The following AP2B1 variants were observed in gnomAD, a reference collection of about 807,000 sequenced individuals.
AP2B1 encodes the protein AP-2 complex subunit beta.
Under a neutral mutation model 102.0 loss-of-function variants are expected in AP2B1, and 23 were observed. The ratio of observed to expected loss-of-function variants is 0.23; its 90% CI spans 0.16 to 0.32. The LOEUF is 0.32. Ranked by LOEUF, AP2B1 falls within the 10% of genes least tolerant of loss-of-function variation. The pLI is 1.00. For missense variants in AP2B1, 541 were observed against 1,157.4 expected, an observed-to-expected ratio of 0.47 and a Z score of 7.73; for synonymous variants, 381 against 421.2, an observed-to-expected ratio of 0.90 and a Z score of 1.17.
chr17:35,699,402 C>A (rs1433580837), intron 18 of AP2B1, among the ~76,000 whole-genome samples: 3 of 152,154 alleles, frequency 2.0e-5, no homozygotes, highest in Admixed American at 6.5e-5. Context: ...CGAACAATGT[C>A]CTAATGTCTC....
chr17:35,614,944 A>G (rs225250), intron 5 of AP2B1, among the ~76,000 whole-genome samples: 130,108 of 152,176 alleles, frequency 0.85, 55,842 homozygotes, highest in East Asian at 0.97. Flanking sequence ...TACTCTCCAG[A>G]GGACATTTGG....
At chr17:35,613,873 G>A (rs2073937383) in intron 5 of AP2B1, among the ~76,000 whole-genome samples, 1 of 152,156 alleles carries the variant, frequency 6.6e-6, no homozygotes, top group African/African-American at 2.4e-5. Flanking sequence ...TTATTTTGAA[G>A]GTAAACCTCC....
At chr17:35,720,194 G>A (rs138937596) in intron 21 of AP2B1, among the ~76,000 whole-genome samples, 11 of 152,168 alleles carry the variant, frequency 7.2e-5, no homozygotes, top group African/African-American at 2.2e-4. Context: ...GAGTAATGCC[G>A]ACCCTAAGGG....
rs375100015 is a variant in AP2B1 at position 35,650,800 on chromosome 17, G to A, written c.1796+11G>A. On this transcript the variant is annotated intron_variant, in intron 13 of 21. Coordinates refer to ENST00000610402, the MANE Select transcript of AP2B1 (RefSeq NM_001030006.2). ...AATTCATCATGGGAGGTAAGAAGGT[G>A]TGAACTGTCTCTGAGTGAGAAATGA... The A allele has an allele frequency of 1.2e-5, 19 of 1,612,894 alleles. No homozygotes were observed. In the African/African-American group the frequency reaches 2.1e-4, roughly 18 times the overall value.
chr17:35,642,083 G>A, intron 12 of AP2B1, 108 bp downstream of exon 12: 6 of 747,670 alleles, frequency 8.0e-6, no homozygotes, highest in Non-Finnish European at 1.4e-5. Context: ...TTTGAAGGAA[G>A]TATGGCCTTT....
At chr17:35,656,289 T>C (rs1182310318) in intron 13 of AP2B1, among the ~76,000 whole-genome samples, 1 of 86,202 alleles carries the variant, frequency 1.2e-5, no homozygotes, top group Non-Finnish European at 2.7e-5. Flanking sequence ...GGTTCATTTT[T>C]CCCCCACATA....
At chr17:35,599,733 G>T (rs564647906) in intron 3 of AP2B1, among the ~76,000 whole-genome samples, 1 of 151,984 alleles carries the variant, frequency 6.6e-6, no homozygotes, top group South Asian at 2.1e-4. Context: ...GTGAAATTCT[G>T]TCTCTACTAA....
intron 21 of AP2B1, among the ~76,000 whole-genome samples, chr17:35,722,716 C>G (rs1254027812): frequency 6.6e-6 from 1 of 152,046 alleles, no homozygotes; most frequent in Non-Finnish European, 1.5e-5. Flanking sequence ...TTGACCTGCC[C>G]TAATTAACAA....
chr17:35,699,782 C>T (rs1428502458), intron 18 of AP2B1, among the ~76,000 whole-genome samples: 1 of 152,094 alleles, frequency 6.6e-6, no homozygotes, highest in African/African-American at 2.4e-5. Flanking sequence ...AACTTTGGGT[C>T]ACCAAGCACA....
chr17:35,654,895 G>A (rs1005667809), intron 13 of AP2B1, among the ~76,000 whole-genome samples: 4 of 151,994 alleles, frequency 2.6e-5, no homozygotes, highest in Non-Finnish European at 4.4e-5. Context: ...AGGATACCAC[G>A]GCCGTTGAAC....
chr17:35,650,548 C>T lies in AP2B1; in HGVS notation c.1555C>T (p.Leu519Phe). 2 of 1,614,072 alleles carry T rather than the reference C, an allele frequency of 1.2e-6. No homozygotes were observed. Among genetic ancestry groups the T allele is most frequent in the African/African-American group, 1.3e-5 (1 of 75,028 alleles). ...TCTTTAGGATTCTGATAATCCTGAC[C>T]TTCGAGACCGGGGCTATATTTATTG... is the stretch of plus-strand genomic sequence containing the variant. ...LATQDSDNPDLRDRGYIYWRL... is the reference protein window; with the variant it reads ...LATQDSDNPDFRDRGYIYWRL... Residue 519 changes from leucine (L) to phenylalanine (F), a missense_variant, in exon 13 of 22, where the codon CTT becomes TTT. By Grantham distance (22) the Leu-to-Phe change is conservative. Coordinates refer to ENST00000610402, the MANE Select transcript of AP2B1 (RefSeq NM_001030006.2).
At chr17:35,691,201 T>C (rs2076034202) in intron 18 of AP2B1, among the ~76,000 whole-genome samples, 2 of 152,216 alleles carry the variant, frequency 1.3e-5, no homozygotes, top group South Asian at 4.1e-4. Context: ...GGACACGATC[T>C]TACAGTCCTG....
intron 18 of AP2B1, among the ~76,000 whole-genome samples, chr17:35,695,573 C>G (rs2076125631): frequency 6.6e-6 from 1 of 152,040 alleles, no homozygotes; most frequent in Non-Finnish European, 1.5e-5. Flanking sequence ...AGATATCTAA[C>G]TTATAGCAAA....
At chr17:35,621,084 C>G (rs1281011292) in intron 5 of AP2B1, among the ~76,000 whole-genome samples, 4 of 152,086 alleles carry the variant, frequency 2.6e-5, no homozygotes, top group Admixed American at 2.6e-4. Flanking sequence ...CTAGAGAAGA[C>G]TCTGGAGGAA....
intron 9 of AP2B1, among the ~76,000 whole-genome samples, chr17:35,630,930 G>A (rs2074444363): frequency 6.6e-6 from 1 of 152,184 alleles, no homozygotes; most frequent in Non-Finnish European, 1.5e-5. Context: ...GTTTGACAGA[G>A]TTGCCAAGCC....
rs541312753 is a variant in AP2B1 at position 35,663,272 on chromosome 17, G to A, written c.1989+5481G>A. Among the ~76,000 whole-genome samples the A allele has an allele frequency of 6.6e-5, 10 of 152,290 alleles. No individual in the cohort carries two copies. The East Asian group carries it at 1.9e-3, about 29-fold the overall frequency. On this transcript the variant is annotated intron_variant, in intron 14 of 21. Transcript: ENST00000610402. ...ATCTTTGTATCAGTGCATACGTTTAGTCAAGGCTGGCCTCAGACAGTTTTG... is the reference window on the plus strand; with the variant it reads ...ATCTTTGTATCAGTGCATACGTTTAATCAAGGCTGGCCTCAGACAGTTTTG...
At chr17:35,709,353 C>T (rs2076403671) in intron 19 of AP2B1, 45 bp downstream of exon 19, 4 of 1,514,994 alleles carry the variant, frequency 2.6e-6, no homozygotes, top group Non-Finnish European at 3.7e-6. Flanking sequence ...CTTTGCCCTT[C>T]CTGTGCATGT....
At position 35,650,502 on chromosome 17, in the gene AP2B1, C is replaced by T. The variant is rs771845733; in HGVS notation, c.1537-28C>T. 4.4e-6 allele frequency: 7 copies of T among 1,607,512 alleles called. No homozygotes were observed. The East Asian group carries it at 8.9e-5, about 20-fold the overall frequency. On this transcript the variant is annotated intron_variant, in intron 12 of 21. Transcript: ENST00000610402. ...TCTGTATGGAGAACAGTTTCATCTC[C>T]ACCTCCTTGCCTTTGCCTTTTCTTT...
chr17:35,651,308 T>C (rs1184378122), intron 13 of AP2B1, among the ~76,000 whole-genome samples: 3 of 152,162 alleles, frequency 2.0e-5, no homozygotes, highest in Non-Finnish European at 4.4e-5. Context: ...GACTTCTATG[T>C]GGACTTAGTT....
Sources: gnomAD v4.1 joint callset for allele counts (sites outside exome capture counted in the v4.1 genomes callset) on GRCh38, gnomAD v4.1.1 for gene constraint, MANE v1.5 for transcripts, NCBI Gene and HGNC (gene_info 2026-07-23, HGNC 2026-07-21) for gene names.